Variants in SBNO1 observed in about 807,000 individuals in gnomAD.
SBNO1 encodes the protein protein strawberry notch homolog 1.
SBNO1 carries 23 observed loss-of-function variants against 173.6 expected under a neutral mutation model. The observed-to-expected ratio is 0.13, with a 90% CI of 0.10 to 0.19. The LOEUF (loss-of-function observed/expected upper bound fraction) is 0.19. Ranked by LOEUF, SBNO1 falls within the 10% of genes least tolerant of loss-of-function variation. SBNO1 has a pLI of 1.00. For synonymous variants in SBNO1, 632 were observed against 571.5 expected (o/e 1.11, Z -1.51); for missense variants, 1,238 against 1,671.2 (o/e 0.74, Z 4.52).
chr12:123,351,051 G>A (rs893001339), intron 1 of SBNO1, among the ~76,000 whole-genome samples: 1 of 152,184 alleles, frequency 6.6e-6, no homozygotes, highest in Non-Finnish European at 1.5e-5. Context: ...TGAACCAAGA[G>A]GTGGAGGTTG....
At chr12:123,345,108 G>C (rs1394823830) in intron 4 of SBNO1, 150 bp downstream of exon 4, 1 of 659,020 alleles carries the variant, frequency 1.5e-6, no homozygotes, top group African/African-American at 1.8e-5. Flanking sequence ...TGCTTCCCTT[G>C]AATTGTGTTA....
rs1302858002 is a variant in SBNO1 at position 123,348,131 on chromosome 12, T to G, written c.135A>C (p.Ser45=). The stretch of plus-strand genomic sequence containing the variant: ...CTAGTTCTAATGCACTAAGTGGCAC[T>G]GACTGGAGAGAAAACAACATCAGAC... ...TPMPTPSVQQ[S]VPLSALELGL... is the part of the protein sequence containing the mutation. The change falls in exon 3 of 32, where the codon TCA becomes TCC. Residue 45 remains serine, a splice_region_variant and synonymous_variant. Coordinates refer to ENST00000602398, the MANE Select transcript of SBNO1 (RefSeq NM_001167856.3). 1 of 1,582,552 alleles carries G rather than the reference T, an allele frequency of 6.3e-7. No individual in the cohort carries two copies. Among genetic ancestry groups the G allele is most frequent in the Non-Finnish European group, 8.6e-7 (1 of 1,156,864 alleles).
At chr12:123,363,751 C>A in intron 1 of SBNO1, 2 of 625,160 alleles carry the variant, frequency 3.2e-6, no homozygotes, top group Non-Finnish European at 4.0e-6. Flanking sequence ...CCACAGTAAA[C>A]CGAGCACGCA....
chr12:123,338,925 TCCCC>T (rs1566045683), intron 5 of SBNO1, among the ~76,000 whole-genome samples: 48 of 30,408 alleles, frequency 1.6e-3, no homozygotes, highest in Non-Finnish European at 0.012. Context: ...CCCCCCCCCC[TCCCC>T]GACTAGTTTG....
intron 7 of SBNO1, among the ~76,000 whole-genome samples, chr12:123,332,043 G>T (rs563095188): frequency 2.0e-5 from 3 of 150,850 alleles, no homozygotes; most frequent in African/African-American, 7.3e-5. Context: ...AGTAGACAGG[G>T]TTTCACCACG....
chr12:123,342,072 G>A (rs1378399459), intron 4 of SBNO1, among the ~76,000 whole-genome samples: 1 of 151,644 alleles, frequency 6.6e-6, no homozygotes, highest in South Asian at 2.1e-4. Context: ...GGGAGGCCGA[G>A]GAGGCCCAGT....
In SBNO1 at chr12:123,290,213, G is replaced by C. The variant is rs1324779525; in HGVS notation, c.*5695C>G. The C allele has an allele frequency of 6.6e-6, 1 of 152,262 alleles. No homozygotes were observed. Among genetic ancestry groups the C allele is most frequent in the South Asian group, 2.1e-4 (1 of 4,832 alleles). 9.4% of individuals were successfully genotyped at this position (152,262 alleles called of 1,614,324 possible). A position where few individuals can be genotyped will look rare whatever the true frequency, so the allele number is the denominator to read the frequency against. On this transcript the variant is annotated 3_prime_UTR_variant, in exon 32 of 32. Transcript: ENST00000602398. Reference sequence around the variant, plus strand: ...GGGAGACTGAGCAAGGAGGGTCTGCGTGGAGGATGCACACTGGAGGCAATC... The same window carrying C: ...GGGAGACTGAGCAAGGAGGGTCTGCCTGGAGGATGCACACTGGAGGCAATC...
intron 1 of SBNO1, among the ~76,000 whole-genome samples, chr12:123,360,034 G>T (rs938711279): frequency 6.6e-6 from 1 of 152,136 alleles, no homozygotes; most frequent in African/African-American, 2.4e-5. Flanking sequence ...GAGGTCAGGA[G>T]TTCGAGACCA....
chr12:123,328,591 C>A, intron 10 of SBNO1, 143 bp downstream of exon 10: 1 of 572,234 alleles, frequency 1.7e-6, no homozygotes, highest in Non-Finnish European at 2.8e-6. Context: ...AATCAACTTT[C>A]CAATCCCTTT....
chr12:123,317,339 T>C lies in SBNO1; in HGVS notation c.2817A>G (p.Ser939=), dbSNP rs1869399296. 1 of 1,614,114 alleles carries C rather than the reference T, an allele frequency of 6.2e-7. No individual in the cohort carries two copies. The highest frequency in any genetic ancestry group is 8.5e-7 in the Non-Finnish European group (1 of 1,179,950). The part of the protein sequence containing the change: ...MDGDKNIAII[S]EAASSGISLQ... ...ATGAAATACCCGAGCTGGCAGCTTCTGAGATGATAGCAATATTCTGTGTCA... is the reference window on the plus strand; with the variant it reads ...ATGAAATACCCGAGCTGGCAGCTTCCGAGATGATAGCAATATTCTGTGTCA... Residue 939 remains serine, a synonymous_variant, in exon 21 of 32, where the codon TCA becomes TCG. Transcript: ENST00000602398.
intron 24 of SBNO1, among the ~76,000 whole-genome samples, chr12:123,313,323 C>T (rs1478290531): frequency 2.7e-5 from 4 of 150,596 alleles, no homozygotes; most frequent in Admixed American, 1.3e-4. Flanking sequence ...TTAAAAAAGG[C>T]TATTTGGCAA....
chr12:123,347,874 T>C (rs1873395526), intron 3 of SBNO1, among the ~76,000 whole-genome samples, 155 bp downstream of exon 3: 1 of 152,146 alleles, frequency 6.6e-6, no homozygotes, highest in South Asian at 2.1e-4. Flanking sequence ...GCCATTTTGC[T>C]CAAGCTGGTC....
intron 14 of SBNO1, 113 bp downstream of exon 14, chr12:123,326,039 G>T: frequency 1.5e-6 from 1 of 661,026 alleles, no homozygotes; most frequent in East Asian, 2.7e-5. Context: ...GTATTTTTTA[G>T]AAGTTTTACT....
rs1362886535 is a variant in SBNO1 at position 123,309,805 on chromosome 12, T to G, written c.3347A>C (p.His1116Pro). Reference sequence around the variant, plus strand: ...ATACTGAAATAACGCATTCTGCTGATGCACCTCCATGCCTAAAATTCTATT... The same window carrying G: ...ATACTGAAATAACGCATTCTGCTGAGGCACCTCCATGCCTAAAATTCTATT... Reference protein sequence around the residue: ...FLNRILGMEVHQQNALFQYFA... With the variant: ...FLNRILGMEVPQQNALFQYFA... Residue 1116 changes from histidine to proline, a missense_variant, in exon 26 of 32, where the codon CAT becomes CCT. Around this residue, in one of 14 missense-constraint regions of SBNO1, gnomAD observed 351 missense variants for 420.3 expected, o/e 0.84. Coordinates refer to ENST00000602398, the MANE Select transcript of SBNO1 (RefSeq NM_001167856.3). The G allele has an allele frequency of 1.6e-5, 25 of 1,611,186 alleles. No homozygotes were observed. Among genetic ancestry groups the G allele is most frequent in the Non-Finnish European group, 1.8e-5 (21 of 1,178,284 alleles).
chr12:123,321,266 C>T (rs1454440110), intron 17 of SBNO1, among the ~76,000 whole-genome samples: 2 of 152,112 alleles, frequency 1.3e-5, no homozygotes, highest in African/African-American at 4.8e-5. Context: ...TAACTGATAA[C>T]TTATCACCAC....
At position 123,326,329 on chromosome 12, in the gene SBNO1, G is replaced by C; in HGVS notation, c.1698C>G (p.Val566=). ...KMYNKAVKLW[V]IARERFQQAA... ...CTTGCTGAAACCGCTCTCTGGCGAT[G>C]ACCCACTGAAGATACATAATCAACA... The change falls in exon 14 of 32, where the codon GTC becomes GTG. Residue 566 remains valine (V), a synonymous_variant. Coordinates refer to ENST00000602398, the MANE Select transcript of SBNO1 (RefSeq NM_001167856.3). The C allele has an allele frequency of 1.3e-6, 2 of 1,590,730 alleles. No homozygotes were observed. The highest frequency in any genetic ancestry group is 1.7e-6 in the Non-Finnish European group (2 of 1,168,242).
chr12:123,296,516 G>A (rs2048598522), intron 31 of SBNO1, among the ~76,000 whole-genome samples: 1 of 151,702 alleles, frequency 6.6e-6, no homozygotes, highest in Non-Finnish European at 1.5e-5. Context: ...AGGATTGAAG[G>A]CTCAATGTTC....
intron 5 of SBNO1, 76 bp from the exon 6 acceptor site, chr12:123,336,567 T>C: frequency 1.2e-6 from 1 of 842,562 alleles, no homozygotes; most frequent in Non-Finnish European, 1.9e-6. Context: ...AAAACTCTCT[T>C]GTAGGAACAC....
At chr12:123,333,715 C>T (rs1343558767) in intron 7 of SBNO1, among the ~76,000 whole-genome samples, 3 of 151,996 alleles carry the variant, frequency 2.0e-5, no homozygotes, top group Non-Finnish European at 2.9e-5. Flanking sequence ...CCAGACTGGT[C>T]GCGAACTCCT....
Sources: gnomAD v4.1 joint callset for allele counts (sites outside exome capture counted in the v4.1 genomes callset) on GRCh38, gnomAD v4.1.1 for gene constraint, gnomAD v4.1.1 regional missense constraint, MANE v1.5 for transcripts, NCBI Gene and HGNC (gene_info 2026-07-23, HGNC 2026-07-21) for gene names.